The following SHANK2 variants were observed in gnomAD, a reference collection of about 807,000 sequenced individuals.
The protein encoded by SHANK2 is SH3 and multiple ankyrin repeat domains 2, also known as SH3 and multiple ankyrin repeat domains protein 2.
In SHANK2, 43 loss-of-function variants were observed where a neutral mutation model predicts 133.7. The observed-to-expected ratio is 0.32, with a 90% CI of 0.25 to 0.41. The LOEUF is 0.41. SHANK2 is among the 10% of genes least tolerant of loss of function. SHANK2 has a pLI of 1.00. For synonymous variants in SHANK2, 1,017 were observed against 952.8 expected (o/e 1.07, Z -1.24); for missense variants, 1,994 against 2,235.8 (o/e 0.89, Z 2.18).
chr11:70,900,522 A>G (rs1590812267), intron 10 of SHANK2, among the ~76,000 whole-genome samples: 1 of 152,152 alleles, frequency 6.6e-6, no homozygotes, highest in South Asian at 2.1e-4. Context: ...ACACACACCT[A>G]GGACAGCTGC....
intron 11 of SHANK2, among the ~76,000 whole-genome samples, chr11:70,824,737 T>C (rs562522584): frequency 6.6e-6 from 1 of 152,268 alleles, no homozygotes; most frequent in African/African-American, 2.4e-5. Flanking sequence ...AGTGTTTGCA[T>C]GGAGGCTTAC....
rs1025561650 is a variant in SHANK2, at chr11:71,079,574, C to T, written c.913-4299G>A. The stretch of plus-strand genomic sequence containing the variant: ...AGGAGATCGAGACCATCCTGGCTAA[C>T]ACAGTGAAACCCCGTCTCTACTAAA... On this transcript the variant is annotated intron_variant, in intron 8 of 25. Coordinates refer to ENST00000601538, the MANE Select transcript of SHANK2 (RefSeq NM_012309.5). Among the ~76,000 whole-genome samples, 223 of 151,926 alleles carry T rather than the reference C, an allele frequency of 1.5e-3. 2 individuals carry two copies. The highest frequency in any genetic ancestry group is 5.1e-3 in the African/African-American group (211 of 41,462).
chr11:70,587,699 T>C (rs1389056066), intron 17 of SHANK2, among the ~76,000 whole-genome samples: 3 of 9,092 alleles, frequency 3.3e-4, no homozygotes, highest in Admixed American at 1.7e-3. Context: ...GCACGTCCAG[T>C]TTTTTTTTTT....
At chr11:71,069,310 CACT>C (rs1394045117) in intron 9 of SHANK2, among the ~76,000 whole-genome samples, 1 of 152,112 alleles carries the variant, frequency 6.6e-6, no homozygotes, top group African/African-American at 2.4e-5. Context: ...TCACCATCAT[CACT>C]ATCAACCACC....
chr11:70,482,110 T>C (rs983937568), intron 25 of SHANK2, among the ~76,000 whole-genome samples: 10 of 152,168 alleles, frequency 6.6e-5, no homozygotes, highest in Non-Finnish European at 1.5e-4. Context: ...AGGGAGAGGA[T>C]TGAGCCTAGT....
intron 2 of SHANK2, among the ~76,000 whole-genome samples, chr11:71,177,561 G>C (rs1953471167): frequency 6.6e-6 from 1 of 151,950 alleles, no homozygotes; most frequent in Admixed American, 6.6e-5. Context: ...AAGATAAATG[G>C]AATCATAAAA....
At chr11:70,536,287 G>A (rs886648727) in intron 17 of SHANK2, among the ~76,000 whole-genome samples, 6 of 152,210 alleles carry the variant, frequency 3.9e-5, no homozygotes, top group African/African-American at 9.6e-5. Context: ...GGCTCATCAC[G>A]CTTGTTGTTT....
intron 11 of SHANK2, among the ~76,000 whole-genome samples, chr11:70,866,817 A>C (rs1314363529): frequency 6.6e-6 from 1 of 151,698 alleles, no homozygotes; most frequent in Non-Finnish European, 1.5e-5. Flanking sequence ...AACATTTCTT[A>C]AGGGGTGACC....
At chr11:71,239,416 C>T (rs1222684563) in intron 1 of SHANK2, among the ~76,000 whole-genome samples, 1 of 152,164 alleles carries the variant, frequency 6.6e-6, no homozygotes, top group Non-Finnish European at 1.5e-5. Flanking sequence ...AAGCTACCTA[C>T]AAAGATACAG....
At chr11:71,082,037 G>A (rs1951308025) in intron 8 of SHANK2, among the ~76,000 whole-genome samples, 3 of 152,170 alleles carry the variant, frequency 2.0e-5, no homozygotes. Context: ...CCAAGCACAT[G>A]CCAGCACAAA....
chr11:71,168,053 T>G, intron 2 of SHANK2, among the ~76,000 whole-genome samples: 1 of 140,248 alleles, frequency 7.1e-6, no homozygotes, highest in African/African-American at 2.8e-5. Flanking sequence ...GCGGAGGGGC[T>G]CCTCACTTCT....
At chr11:70,533,656 A>G (rs781830051) in intron 17 of SHANK2, among the ~76,000 whole-genome samples, 1 of 152,156 alleles carries the variant, frequency 6.6e-6, no homozygotes, top group Non-Finnish European at 1.5e-5. Flanking sequence ...AGATGAGCTT[A>G]TATAATGTAA....
At chr11:71,246,806 A>C (rs1490310421) in intron 1 of SHANK2, among the ~76,000 whole-genome samples, 1 of 152,160 alleles carries the variant, frequency 6.6e-6, no homozygotes, top group African/African-American at 2.4e-5. Flanking sequence ...GGGCTAATGC[A>C]ACTAGGGCTT....
chr11:70,532,447 C>G (rs1315003134), intron 17 of SHANK2, among the ~76,000 whole-genome samples: 2 of 152,122 alleles, frequency 1.3e-5, no homozygotes, highest in African/African-American at 4.8e-5. Context: ...AGAGGTGGCC[C>G]ATCAGCAAAC....
chr11:70,947,956 A>G (rs1461737039), intron 10 of SHANK2, among the ~76,000 whole-genome samples: 1 of 151,854 alleles, frequency 6.6e-6, no homozygotes, highest in African/African-American at 2.4e-5. Context: ...CTCATTTCCC[A>G]CCACTGGTGT....
intron 13 of SHANK2, among the ~76,000 whole-genome samples, chr11:70,806,052 C>T (rs1486030565): frequency 1.3e-5 from 2 of 152,216 alleles, no homozygotes; most frequent in East Asian, 3.8e-4. Flanking sequence ...GTGTGTCGCG[C>T]AGAGAAAGGA....
rs2059527180 is a variant in SHANK2 at position 70,535,100 on chromosome 11, A to C, written c.2062-32169T>G. Among the ~76,000 whole-genome samples, 1 of 152,176 alleles carries C rather than the reference A, an allele frequency of 6.6e-6. No individual in the cohort carries two copies. Among genetic ancestry groups the C allele is most frequent in the Non-Finnish European group, 1.5e-5 (1 of 68,038 alleles). Reference sequence around the variant, plus strand: ...CTGGAGGGAAGACTGGCTTTGGGGCAGGTGAGGCAGGCACATGAAGTAGTG... The same window carrying C: ...CTGGAGGGAAGACTGGCTTTGGGGCCGGTGAGGCAGGCACATGAAGTAGTG... On this transcript the variant is annotated intron_variant, in intron 17 of 25. Coordinates refer to ENST00000601538, the MANE Select transcript of SHANK2 (RefSeq NM_012309.5). This position sits in a 1 kb window ranked among gnomAD's most constrained non-coding sequence, Gnocchi z 4.3.
At chr11:70,631,408 A>ACACACACACACACACACACC (rs1555002113) in intron 17 of SHANK2, among the ~76,000 whole-genome samples, 2 of 148,916 alleles carry the variant, frequency 1.3e-5, no homozygotes, top group East Asian at 4.0e-4. Context: ...ACACACACAC[A>ACACACACACACACACACACC]CCCACACAAC....
intron 14 of SHANK2, among the ~76,000 whole-genome samples, chr11:70,750,235 TA>T (rs1456288781): frequency 6.6e-6 from 1 of 152,180 alleles, no homozygotes; most frequent in African/African-American, 2.4e-5. Flanking sequence ...GCCACATGTG[TA>T]TAACAAGTGT....
Sources: allele counts gnomAD v4.1 joint callset (sites outside exome capture counted in the v4.1 genomes callset), GRCh38; gene constraint gnomAD v4.1.1; non-coding constraint Gnocchi (gnomAD v3.1); transcripts MANE v1.5; gene names NCBI Gene and HGNC (gene_info 2026-07-23, HGNC 2026-07-21).